The following MSH3 variants were observed in gnomAD, a reference collection of about 807,000 sequenced individuals.
The protein encoded by MSH3 is DNA mismatch repair protein Msh3.
A neutral mutation model predicts 123.3 loss-of-function variants in MSH3; 106 were observed. The ratio of observed to expected loss-of-function variants is 0.86; its 90% CI spans 0.73 to 1.01. MSH3 has a LOEUF of 1.01. MSH3 is among the 50% of genes least tolerant of loss of function. The pLI, the probability that MSH3 is intolerant of heterozygous loss-of-function variation, is 0.00. For missense variants in MSH3, 1,459 were observed against 1,347.6 expected (o/e 1.08, Z -1.29); for synonymous variants, 515 against 481.4 (o/e 1.07, Z -0.91).
intron 8 of MSH3, among the ~76,000 whole-genome samples, chr5:80,679,445 A>G (rs1749919934): frequency 6.6e-6 from 1 of 152,136 alleles, no homozygotes; most frequent in Admixed American, 6.5e-5. Context: ...CTTTTTGAAG[A>G]GGTTTCTGAT....
chr5:80,802,530 T>C (rs1744807234), intron 19 of MSH3, among the ~76,000 whole-genome samples: 1 of 152,124 alleles, frequency 6.6e-6, no homozygotes, highest in Non-Finnish European at 1.5e-5. Flanking sequence ...TGAGGGTAAC[T>C]GGGGTATCCA....
intron 10 of MSH3, among the ~76,000 whole-genome samples, chr5:80,730,895 T>TA (rs60328336): frequency 0.022 from 2,058 of 93,202 alleles, 12 homozygotes; most frequent in East Asian, 0.055. Flanking sequence ...TATATATATA[T>TA]TTTTTTTTTT....
At chr5:80,858,350 A>G (rs1213403728) in intron 21 of MSH3, among the ~76,000 whole-genome samples, 3 of 152,146 alleles carry the variant, frequency 2.0e-5, no homozygotes, top group East Asian at 1.9e-4. Context: ...CTCCTGGCCT[A>G]TAAATTTTCT....
intron 8 of MSH3, among the ~76,000 whole-genome samples, chr5:80,685,291 T>C (rs564845317): frequency 1.3e-5 from 2 of 151,378 alleles, no homozygotes; most frequent in African/African-American, 4.8e-5. Flanking sequence ...AGTGAAGCTA[T>C]TGGGTCCTGG....
chr5:80,863,304 A>G (rs1252920187), intron 21 of MSH3, among the ~76,000 whole-genome samples: 1 of 152,210 alleles, frequency 6.6e-6, no homozygotes, highest in Non-Finnish European at 1.5e-5. Flanking sequence ...ACATGCGCCC[A>G]AGGTGGTCAG....
intron 20 of MSH3, among the ~76,000 whole-genome samples, chr5:80,841,053 C>G (rs1580083030): frequency 1.3e-5 from 2 of 151,680 alleles, no homozygotes; most frequent in African/African-American, 4.8e-5. Context: ...TATCCCTCCC[C>G]ACTCCCCCCA....
At chr5:80,746,644 A>G in intron 12 of MSH3, 1 of 326,042 alleles carries the variant, frequency 3.1e-6, no homozygotes, top group South Asian at 2.6e-5. Context: ...TGGTGGGTAC[A>G]CCACCAAATG....
chr5:80,766,274 A>G (rs1376197381), intron 13 of MSH3, among the ~76,000 whole-genome samples: 1 of 115,408 alleles, frequency 8.7e-6, no homozygotes. Flanking sequence ...ATTACTGTTT[A>G]TTTGTTTACT....
intron 9 of MSH3, among the ~76,000 whole-genome samples, chr5:80,727,656 A>G (rs1267147938): frequency 1.3e-5 from 2 of 152,236 alleles, no homozygotes; most frequent in Non-Finnish European, 2.9e-5. Context: ...TCGTTCAGCT[A>G]ATTTTTTGAA....
At chr5:80,697,297 A>G (rs1750504626) in intron 8 of MSH3, among the ~76,000 whole-genome samples, 1 of 152,228 alleles carries the variant, frequency 6.6e-6, no homozygotes, top group South Asian at 2.1e-4. Context: ...AAGGTGCCTG[A>G]GTTATACAAG....
intron 20 of MSH3, among the ~76,000 whole-genome samples, chr5:80,820,941 G>A (rs1352885461): frequency 6.6e-6 from 1 of 152,294 alleles, no homozygotes; most frequent in Non-Finnish European, 1.5e-5. Flanking sequence ...CTGGACTCTG[G>A]TCCCTAAAGT....
At chr5:80,787,739 A>G (rs1344811685) in intron 18 of MSH3, 67 bp downstream of exon 18, 7 of 1,075,758 alleles carry the variant, frequency 6.5e-6, no homozygotes, top group South Asian at 1.3e-5. Flanking sequence ...AATTAATTAT[A>G]GTGTCTTTAT....
intron 8 of MSH3, among the ~76,000 whole-genome samples, chr5:80,706,790 T>C (rs553011262): frequency 6.6e-5 from 10 of 152,328 alleles, no homozygotes; most frequent in South Asian, 4.1e-4. Context: ...AATTTGTTTT[T>C]TTCCAGACTT....
In MSH3 at chr5:80,849,933, C is replaced by G. The variant is rs1446277907; in HGVS notation, c.2814-4197C>G. Among the ~76,000 whole-genome samples, 3 of 152,252 alleles carry G rather than the reference C, an allele frequency of 2.0e-5. No individual in the cohort carries two copies. In the East Asian group the frequency reaches 5.8e-4, roughly 29 times the overall value. On this transcript the variant is annotated intron_variant, in intron 20 of 23. Coordinates refer to ENST00000265081, the MANE Select transcript of MSH3 (RefSeq NM_002439.5). ...ACTGTCAGGCTGCAAATTTTCCAAA[C>G]TTTTATACTCTGTTTCCATTATAAA...
Position 80,656,786 on chromosome 5 carries a change from CTGGTTATAAAATTAAAACATTCT to C in MSH3, c.358+258_358+280del, listed in dbSNP as rs1362008566. Among the ~76,000 whole-genome samples the C allele has an allele frequency of 9.9e-5, 15 of 152,126 alleles. No homozygotes were observed. In the East Asian group the frequency reaches 2.7e-3, roughly 27 times the overall value. ...TTTATTCCTTCTAGCTATTTTTGTC[CTGGTTATAAAATTAAAACATTCT>C]TGCTACAGAAATTTCAAACAGTACA... is the stretch of plus-strand genomic sequence containing the variant. On this transcript the variant is annotated intron_variant, in intron 2 of 23. Coordinates refer to ENST00000265081, the MANE Select transcript of MSH3 (RefSeq NM_002439.5).
chr5:80,873,360 C>T (rs1321063672), intron 23 of MSH3, 73 bp downstream of exon 23: 3 of 1,481,492 alleles, frequency 2.0e-6, no homozygotes, highest in Non-Finnish European at 1.9e-6. Flanking sequence ...AGAGGAGCGT[C>T]CTAAAAATGA....
chr5:80,811,816 AAG>A (rs1179807014), intron 19 of MSH3, among the ~76,000 whole-genome samples: 3 of 152,186 alleles, frequency 2.0e-5, no homozygotes, highest in Non-Finnish European at 4.4e-5. Flanking sequence ...AGAGATTAAA[AAG>A]AGATATAAAA....
intron 10 of MSH3, among the ~76,000 whole-genome samples, chr5:80,733,203 A>G (rs894923096): frequency 6.6e-6 from 1 of 152,186 alleles, no homozygotes; most frequent in African/African-American, 2.4e-5. Context: ...GATTACTGAC[A>G]GGGGTGTTAA....
At chr5:80,687,895 C>T (rs1260175786) in intron 8 of MSH3, among the ~76,000 whole-genome samples, 2 of 152,038 alleles carry the variant, frequency 1.3e-5, no homozygotes, top group Non-Finnish European at 2.9e-5. Context: ...AGAAAAGAAT[C>T]AGATCAAGGA....
Sources: allele counts gnomAD v4.1 joint callset (sites outside exome capture counted in the v4.1 genomes callset), GRCh38; gene constraint gnomAD v4.1.1; transcripts MANE v1.5; gene names NCBI Gene and HGNC (gene_info 2026-07-23, HGNC 2026-07-21).